The following NBAS variants were observed in gnomAD, a reference collection of about 807,000 sequenced individuals.
NBAS encodes NAG/BC035112 fusion.
Under a neutral mutation model 302.5 loss-of-function variants are expected in NBAS, and 219 were observed. That is an observed-to-expected ratio of 0.72 (90% confidence interval 0.65 to 0.81). NBAS has a LOEUF of 0.81. Ranked by LOEUF, NBAS falls within the 30% of genes least tolerant of loss-of-function variation. NBAS has a pLI of 0.00. For synonymous variants in NBAS, 1,118 were observed against 1,021.6 expected (o/e 1.09, Z -1.80); for missense variants, 2,932 against 2,841.6 (o/e 1.03, Z -0.72).
the NBAS span, among the ~76,000 whole-genome samples, chr2:14,859,379 C>A: frequency 1.3e-5 from 2 of 151,838 alleles, no homozygotes; most frequent in East Asian, 3.9e-4. Flanking sequence ...CTCTGAATAG[C>A]CAAAGCCAAT....
At chr2:15,400,286 C>G (rs535755190) in intron 26 of NBAS, among the ~76,000 whole-genome samples, 1 of 150,278 alleles carries the variant, frequency 6.7e-6, no homozygotes, top group African/African-American at 2.4e-5. Flanking sequence ...ATAGTTTTCA[C>G]GACTGCAAGT....
chr2:14,968,634 C>T, the NBAS span, among the ~76,000 whole-genome samples: 1 of 151,980 alleles, frequency 6.6e-6, no homozygotes, highest in Non-Finnish European at 1.5e-5. Context: ...AAATCCAAAA[C>T]AAAACAAAAA....
At chr2:15,240,880 G>A (rs1446699448) in intron 44 of NBAS, among the ~76,000 whole-genome samples, 1 of 152,058 alleles carries the variant, frequency 6.6e-6, no homozygotes, top group African/African-American at 2.4e-5. Flanking sequence ...TCCTCCCTGT[G>A]ATTCAGAAGT....
At chr2:14,854,313 G>T in the NBAS span, among the ~76,000 whole-genome samples, 10 of 151,696 alleles carry the variant, frequency 6.6e-5, no homozygotes, top group African/African-American at 1.2e-4. Context: ...TAAAAGAAAA[G>T]AAATAATAAA....
At chr2:14,852,277 T>C in the NBAS span, among the ~76,000 whole-genome samples, 1 of 46,076 alleles carries the variant, frequency 2.2e-5, no homozygotes, top group East Asian at 4.8e-4. Context: ...AGCATTCTTA[T>C]ACACCAACAA....
intron 1 of NBAS, among the ~76,000 whole-genome samples, chr2:15,559,031 C>T (rs1432658804): frequency 8.0e-6 from 1 of 124,306 alleles, no homozygotes; most frequent in Non-Finnish European, 1.6e-5. Flanking sequence ...CCACTGCACT[C>T]CAGCCTGGGT....
intron 22 of NBAS, among the ~76,000 whole-genome samples, chr2:15,425,842 T>C (rs561337666): frequency 1.3e-5 from 2 of 152,320 alleles, no homozygotes; most frequent in Admixed American, 6.5e-5. Flanking sequence ...CACCCTTTGA[T>C]AGAACTGACC....
chr2:15,295,412 C>T (rs1670502593), intron 40 of NBAS, among the ~76,000 whole-genome samples: 1 of 152,166 alleles, frequency 6.6e-6, no homozygotes, highest in African/African-American at 2.4e-5. Context: ...AGCACAGACA[C>T]ACAGAGCTTA....
At chr2:15,327,247 G>A (rs1156521524) in intron 38 of NBAS, among the ~76,000 whole-genome samples, 2 of 152,066 alleles carry the variant, frequency 1.3e-5, no homozygotes, top group Non-Finnish European at 2.9e-5. Flanking sequence ...AAAGGACACA[G>A]TCAAAGAAAC....
chr2:15,117,586 C>T, the NBAS span, among the ~76,000 whole-genome samples: 1 of 152,342 alleles, frequency 6.6e-6, no homozygotes, highest in East Asian at 1.9e-4. Context: ...CAGAGTTAGA[C>T]ATGTTCCCTA....
chr2:15,536,218 T>C (rs997203990), intron 8 of NBAS, among the ~76,000 whole-genome samples, 200 bp downstream of exon 8: 2 of 152,018 alleles, frequency 1.3e-5, no homozygotes, highest in African/African-American at 2.4e-5. Context: ...AAATATGATA[T>C]AGCAAGCACA....
the NBAS span, among the ~76,000 whole-genome samples, chr2:15,136,273 C>A: frequency 1.3e-5 from 2 of 152,298 alleles, no homozygotes; most frequent in South Asian, 4.1e-4. Context: ...ACTCCCTTGC[C>A]ACCCACAGAC....
At chr2:15,187,310 T>C (rs1055257913) in intron 49 of NBAS, among the ~76,000 whole-genome samples, 6 of 152,174 alleles carry the variant, frequency 3.9e-5, no homozygotes, top group African/African-American at 1.4e-4. Context: ...ATGTATGTAA[T>C]TGTGAAGAAT....
At chr2:14,906,228 G>C in the NBAS span, among the ~76,000 whole-genome samples, 84,263 of 152,030 alleles carry the variant, frequency 0.55, 23,954 homozygotes, top group African/African-American at 0.66. Flanking sequence ...TATTCTGGCA[G>C]GCACTGTGCA....
At chr2:15,195,043 A>C (rs1353086865) in intron 48 of NBAS, among the ~76,000 whole-genome samples, 1 of 152,228 alleles carries the variant, frequency 6.6e-6, no homozygotes, top group Non-Finnish European at 1.5e-5. Context: ...AAAATCAATC[A>C]CATTGTTATA....
intron 21 of NBAS, among the ~76,000 whole-genome samples, chr2:15,430,460 C>T (rs1677705984): frequency 6.6e-6 from 1 of 152,180 alleles, no homozygotes; most frequent in African/African-American, 2.4e-5. Context: ...TAATCTTTAG[C>T]ACTGACTGAT....
the NBAS span, among the ~76,000 whole-genome samples, chr2:15,160,113 A>C: frequency 6.6e-6 from 1 of 152,156 alleles, no homozygotes; most frequent in Admixed American, 6.5e-5. Context: ...AGAGCCGTTC[A>C]AGGGCTTTAA....
chr2:14,857,510 C>T, the NBAS span, among the ~76,000 whole-genome samples: 3 of 151,972 alleles, frequency 2.0e-5, no homozygotes, highest in Non-Finnish European at 4.4e-5. Flanking sequence ...GACAACCCAG[C>T]GATAAATCCA....
the NBAS span, among the ~76,000 whole-genome samples, chr2:15,011,664 C>T: frequency 1.3e-5 from 2 of 152,178 alleles, no homozygotes; most frequent in African/African-American, 4.8e-5. Context: ...CTGAGCAATC[C>T]AGACCCCATA....
Sources: allele counts gnomAD v4.1 joint callset (sites outside exome capture counted in the v4.1 genomes callset), GRCh38; gene constraint gnomAD v4.1.1; transcripts MANE v1.5; gene names NCBI Gene and HGNC (gene_info 2026-07-23, HGNC 2026-07-21).